Variants in STK33 observed in about 807,000 individuals in gnomAD.
STK33 encodes the protein serine/threonine-protein kinase 33.
A neutral mutation model predicts 58.0 loss-of-function variants in STK33; 52 were observed. That is an observed-to-expected ratio of 0.90 (90% confidence interval 0.72 to 1.13). STK33 has a LOEUF of 1.13. STK33 is among the 50% of genes most tolerant of loss of function. The pLI, the probability that STK33 is intolerant of heterozygous loss-of-function variation, is 0.00. For synonymous variants in STK33, 215 were observed against 200.1 expected, an observed-to-expected ratio of 1.07 and a Z score of -0.63; for missense variants, 630 against 604.2, an observed-to-expected ratio of 1.04 and a Z score of -0.45.
At chr11:8,347,233 A>G in the STK33 span, among the ~76,000 whole-genome samples, 1 of 152,166 alleles carries the variant, frequency 6.6e-6, no homozygotes, top group Non-Finnish European at 1.5e-5. Context: ...CATGGTGGCA[A>G]AGGGAAGGAC....
intron 1 of STK33, among the ~76,000 whole-genome samples, chr11:8,530,151 G>C (rs1954406769): frequency 6.6e-6 from 1 of 152,138 alleles, no homozygotes; most frequent in Non-Finnish European, 1.5e-5. Context: ...AATCGAATAA[G>C]AATGTGTAGT....
downstream of STK33, among the ~76,000 whole-genome samples, chr11:8,388,080 C>A (rs966968090): frequency 6.6e-6 from 1 of 152,182 alleles, no homozygotes; most frequent in African/African-American, 2.4e-5. Flanking sequence ...TCTCTAGTCC[C>A]ATTCTCTGGG....
At chr11:8,353,032 C>G in the STK33 span, among the ~76,000 whole-genome samples, 1 of 152,192 alleles carries the variant, frequency 6.6e-6, no homozygotes, top group African/African-American at 2.4e-5. Flanking sequence ...CATGGACCAG[C>G]GGCTTGAGGT....
At chr11:8,404,720 G>C (rs1324141654) in intron 15 of STK33, among the ~76,000 whole-genome samples, 3 of 152,130 alleles carry the variant, frequency 2.0e-5, no homozygotes, top group East Asian at 3.8e-4. Flanking sequence ...TCATTCTTCT[G>C]TTAATGAATA....
chr11:8,534,812 T>C (rs56331305), intron 1 of STK33, among the ~76,000 whole-genome samples: 5,122 of 152,206 alleles, frequency 0.034, 141 homozygotes, highest in South Asian at 0.087. Context: ...CAATCTATAA[T>C]ACTCATAAAT....
intron 15 of STK33, among the ~76,000 whole-genome samples, chr11:8,395,118 T>A (rs1849110931): frequency 6.6e-6 from 1 of 152,226 alleles, no homozygotes; most frequent in African/African-American, 2.4e-5. Flanking sequence ...AACAGTCTAA[T>A]AATGGCAATT....
chr11:8,586,725 G>A (rs2031703392), intron 1 of STK33, among the ~76,000 whole-genome samples: 1 of 150,614 alleles, frequency 6.6e-6, no homozygotes, highest in African/African-American at 2.4e-5. Flanking sequence ...TCGGGAGGCT[G>A]AGGCAGCAGA....
intron 1 of STK33, among the ~76,000 whole-genome samples, chr11:8,573,513 T>C (rs1957967109): frequency 6.6e-6 from 1 of 152,214 alleles, no homozygotes; most frequent in Non-Finnish European, 1.5e-5. Flanking sequence ...ACTCTGGAAA[T>C]TAGCTTGGCA....
At chr11:8,567,094 C>A (rs77942512) in intron 1 of STK33, among the ~76,000 whole-genome samples, 1 of 152,100 alleles carries the variant, frequency 6.6e-6, no homozygotes, top group Non-Finnish European at 1.5e-5. Context: ...GATCCAAGAT[C>A]GAGCCATTGC....
chr11:8,585,432 C>G (rs1399943292), intron 1 of STK33, among the ~76,000 whole-genome samples: 2 of 151,092 alleles, frequency 1.3e-5, no homozygotes, highest in Non-Finnish European at 3.0e-5. Flanking sequence ...CCCATGTTGG[C>G]CAGGCTGGTC....
chr11:8,367,306 T>C, the STK33 span, among the ~76,000 whole-genome samples: 2 of 152,234 alleles, frequency 1.3e-5, no homozygotes, highest in African/African-American at 4.8e-5. Context: ...TCCATGCAGA[T>C]TGTGAGTGCG....
intron 1 of STK33, among the ~76,000 whole-genome samples, chr11:8,552,666 T>A (rs1490883041): frequency 1.3e-5 from 2 of 152,074 alleles, no homozygotes; most frequent in East Asian, 3.9e-4. Flanking sequence ...AGGATAAGGA[T>A]CATCAATATC....
intron 1 of STK33, among the ~76,000 whole-genome samples, chr11:8,515,453 A>C (rs573963654): frequency 2.0e-5 from 3 of 152,354 alleles, no homozygotes; most frequent in African/African-American, 7.2e-5. Context: ...AGGATTATAG[A>C]CTTCACTGGT....
intron 1 of STK33, among the ~76,000 whole-genome samples, chr11:8,551,331 T>C (rs1956285894): frequency 6.6e-6 from 1 of 152,108 alleles, no homozygotes; most frequent in Non-Finnish European, 1.5e-5. Flanking sequence ...GGTTTTACCA[T>C]GTTGGCCAAG....
Position 8,562,676 on chromosome 11 carries a change from A to G in STK33, c.-466+31407T>C, listed in dbSNP as rs1957194578. 3.3e-5 allele frequency among the ~76,000 whole-genome samples: 5 copies of G among 152,138 alleles called. No individual in the cohort carries two copies. The South Asian group carries it at 1.0e-3, about 32-fold the overall frequency. On this transcript the variant is annotated intron_variant, in intron 1 of 15. Coordinates refer to ENST00000687296, the MANE Select transcript of STK33 (RefSeq NM_001352389.2). ...CTCAATTAGTTTCATGATAAGGAAT[A>G]TGGTTAGTATGGCTTTACTTTTCTG...
intron 1 of STK33, among the ~76,000 whole-genome samples, chr11:8,522,871 C>T (rs1265596577): frequency 1.3e-5 from 2 of 152,166 alleles, no homozygotes; most frequent in East Asian, 1.9e-4. Context: ...GCCGCCATCT[C>T]GGCTCACTGC....
At chr11:8,385,880 T>C in the STK33 span, among the ~76,000 whole-genome samples, 1 of 151,984 alleles carries the variant, frequency 6.6e-6, no homozygotes, top group Non-Finnish European at 1.5e-5. Flanking sequence ...GTTCACGCCA[T>C]TCTCCTGCCT....
chr11:8,518,110 A>G (rs1243315286), intron 1 of STK33, among the ~76,000 whole-genome samples: 1 of 152,240 alleles, frequency 6.6e-6, no homozygotes, highest in African/African-American at 2.4e-5. Flanking sequence ...GGTTACCCAC[A>G]AAGGGAAGCC....
Position 8,454,799 on chromosome 11 carries a change from A to G in STK33, c.731T>C (p.Ile244Thr). ...ATCAATAAGACTGCTTTTAACCATTATATTTTCCAGTTTCAGATCTCTATG... is the reference window on the plus strand; with the variant it reads ...ATCAATAAGACTGCTTTTAACCATTGTATTTTCCAGTTTCAGATCTCTATG... The part of the protein sequence containing the change: ...IVHRDLKLEN[I>T]MVKSSLIDDN... The change falls in exon 10 of 16, where the codon ATA (isoleucine) becomes ACA (threonine). Residue 244 changes from isoleucine (I) to threonine (T), a missense_variant. Ile to Thr is a moderately conservative substitution (Grantham distance 89, BLOSUM62 -1). Coordinates refer to ENST00000687296, the MANE Select transcript of STK33 (RefSeq NM_001352389.2). 6.4e-7 allele frequency: 1 copy of G among 1,570,912 alleles called. No homozygotes were observed. Among genetic ancestry groups the G allele is most frequent in the Non-Finnish European group, 8.7e-7 (1 of 1,154,930 alleles).
Sources: gnomAD v4.1 joint callset for allele counts (sites outside exome capture counted in the v4.1 genomes callset) on GRCh38, gnomAD v4.1.1 for gene constraint, MANE v1.5 for transcripts, NCBI Gene and HGNC (gene_info 2026-07-23, HGNC 2026-07-21) for gene names.